Variants in COG6 observed in about 807,000 individuals in gnomAD.
COG6 encodes conserved oligomeric Golgi complex subunit 6.
Under a neutral mutation model 88.8 loss-of-function variants are expected in COG6, and 74 were observed. The ratio of observed to expected loss-of-function variants is 0.83; its 90% CI spans 0.69 to 1.01. The LOEUF (loss-of-function observed/expected upper bound fraction) is 1.01, where lower values mean the gene tolerates loss of function less well. Ranked by LOEUF, COG6 falls within the 50% of genes least tolerant of loss-of-function variation. The pLI is 0.00. For missense variants in COG6, 800 were observed against 797.9 expected (o/e 1.00, Z -0.03); for synonymous variants, 286 against 278.7 (o/e 1.03, Z -0.26).
chr13:39,661,083 A>G (rs1237561816), intron 3 of COG6, among the ~76,000 whole-genome samples: 1 of 152,152 alleles, frequency 6.6e-6, no homozygotes. Flanking sequence ...ACTTTAGAGC[A>G]TTTATATTTT....
At chr13:39,720,330 G>C (rs1195919014) in intron 15 of COG6, among the ~76,000 whole-genome samples, 2 of 151,920 alleles carry the variant, frequency 1.3e-5, no homozygotes, top group African/African-American at 4.8e-5. Context: ...AAAGCAAATG[G>C]TTATCACTTA....
intron 5 of COG6, among the ~76,000 whole-genome samples, 169 bp downstream of exon 5, chr13:39,677,748 A>G (rs570322833): frequency 3.7e-4 from 57 of 152,328 alleles, no homozygotes; most frequent in African/African-American, 1.3e-3. Flanking sequence ...AAAGTAATAC[A>G]TGTACTTTTT....
intron 7 of COG6, among the ~76,000 whole-genome samples, chr13:39,681,921 A>G (rs1414808947): frequency 6.6e-6 from 1 of 152,152 alleles, no homozygotes; most frequent in East Asian, 1.9e-4. Flanking sequence ...GTGTTTTATA[A>G]TAATAAAATA....
At chr13:39,781,286 C>G (rs1881623212) in intron 18 of COG6, among the ~76,000 whole-genome samples, 1 of 152,076 alleles carries the variant, frequency 6.6e-6, no homozygotes, top group Non-Finnish European at 1.5e-5. Context: ...TGGCAAACAT[C>G]AAATTAGGTC....
At chr13:39,788,593 G>A (rs1881846705) in exon 19 of COG6, 2 of 532,486 alleles carry the variant, frequency 3.8e-6, no homozygotes, top group South Asian at 2.9e-5. Context: ...CACACACACA[G>A]CATGTAGAGT....
Position 39,677,510 on chromosome 13 carries a change from A to G in COG6, c.471A>G (p.Leu157=). ...EIRAQVADAF[L]SKFQLTSDEM... is the part of the protein sequence containing the mutation. ...GAGCTCAAGTTGCAGATGCCTTCTT[A>G]TCCAAGTTCCAACTGACTTCTGATG... The change falls in exon 5 of 19, where the codon TTA becomes TTG. Residue 157 remains leucine (L), a synonymous_variant. Coordinates refer to ENST00000455146, the MANE Select transcript of COG6 (RefSeq NM_020751.3). 1 of 1,613,608 alleles carries G rather than the reference A, an allele frequency of 6.2e-7. No individual in the cohort carries two copies.
rs1878958574 is a variant in COG6, at chr13:39,723,405, A to T, written c.1657A>T (p.Ile553Phe). 1 of 1,609,250 alleles carries T rather than the reference A, an allele frequency of 6.2e-7. No homozygotes were observed. Among genetic ancestry groups the T allele is most frequent in the Non-Finnish European group, 8.5e-7 (1 of 1,175,960 alleles). The change falls in exon 16 of 19, where the codon ATC becomes TTC. Residue 553 changes from isoleucine (I) to phenylalanine (F), a missense_variant. Coordinates refer to ENST00000455146, the MANE Select transcript of COG6 (RefSeq NM_020751.3). ...TTTAACTAGGGTAGGCTTGAGTTAC[A>T]TCTATAACACTGTACAGCAACATAA... ...YVLTRVGLSY[I>F]YNTVQQHKPE...
At chr13:39,674,368 C>T (rs952894843) in intron 4 of COG6, among the ~76,000 whole-genome samples, 5 of 151,592 alleles carry the variant, frequency 3.3e-5, no homozygotes, top group African/African-American at 7.3e-5. Context: ...AAAATTATTT[C>T]GAAATTATTT....
chr13:39,695,887 G>A (rs1344063759), intron 12 of COG6, among the ~76,000 whole-genome samples: 1 of 151,878 alleles, frequency 6.6e-6, no homozygotes, highest in Non-Finnish European at 1.5e-5. Context: ...TAAATACTTA[G>A]AAAACACAAG....
intron 2 of COG6, 36 bp from the exon 3 acceptor site, chr13:39,660,774 A>T (rs1239661317): frequency 7.1e-6 from 9 of 1,269,164 alleles, no homozygotes; most frequent in Admixed American, 1.7e-5. Context: ...TTCTTGCTGT[A>T]TATATGATGT....
rs1399843652 is a variant in COG6 at position 39,741,702 on chromosome 13, T to G, written c.1827-9244T>G. ...TCTTCAGGATGTTATCCAGGAGAAC[T>G]TCCCCAACCTAGCAAGGCAGGCCAA... On this transcript the variant is annotated intron_variant, in intron 18 of 18. Coordinates refer to ENST00000455146, the MANE Select transcript of COG6 (RefSeq NM_020751.3). 3.3e-5 allele frequency among the ~76,000 whole-genome samples: 5 copies of G among 152,096 alleles called. No individual in the cohort carries two copies. In the South Asian group the frequency reaches 1.0e-3, roughly 32 times the overall value.
intron 13 of COG6, among the ~76,000 whole-genome samples, chr13:39,702,637 A>G (rs1877646314): frequency 6.6e-6 from 1 of 152,078 alleles, no homozygotes; most frequent in Non-Finnish European, 1.5e-5. Context: ...TGGTTCTTCT[A>G]TTTAAGTGAA....
At chr13:39,724,262 C>T (rs776719483) in intron 16 of COG6, among the ~76,000 whole-genome samples, 7 of 151,836 alleles carry the variant, frequency 4.6e-5, no homozygotes, top group South Asian at 2.1e-4. Context: ...CTTGGGTATG[C>T]GTAAACTTGA....
intron 18 of COG6, among the ~76,000 whole-genome samples, chr13:39,785,771 C>A (rs1346808265): frequency 6.6e-6 from 1 of 152,150 alleles, no homozygotes; most frequent in African/African-American, 2.4e-5. Flanking sequence ...TCTTGCTTTT[C>A]TAGTTTATCT....
In COG6 at chr13:39,746,002, G is replaced by A. The variant is rs578226079; in HGVS notation, c.1827-4944G>A. ...CCAAGGACAGAAAACCAAACACCAC[G>A]TGTTCTCACTCATAGGTGGGAACTG... On this transcript the variant is annotated intron_variant, in intron 18 of 18. Transcript: ENST00000455146. 1.1e-4 allele frequency among the ~76,000 whole-genome samples: 17 copies of A among 151,938 alleles called. 1 individual carries two copies. Among genetic ancestry groups the A allele is most frequent in the Middle Eastern group, 3.4e-3 (1 of 294 alleles).
At chr13:39,713,486 A>G (rs1404438040) in intron 13 of COG6, among the ~76,000 whole-genome samples, 2 of 152,222 alleles carry the variant, frequency 1.3e-5, no homozygotes, top group African/African-American at 4.8e-5. Flanking sequence ...CTGTAATCCC[A>G]GGACTTTGGG....
chr13:39,785,166 A>T (rs558601294), intron 18 of COG6, among the ~76,000 whole-genome samples: 1 of 152,250 alleles, frequency 6.6e-6, no homozygotes, highest in African/African-American at 2.4e-5. Context: ...AATGAAGGTC[A>T]TCAAAAGAGG....
At chr13:39,728,970 T>C (rs573274405) in intron 18 of COG6, among the ~76,000 whole-genome samples, 46 of 152,296 alleles carry the variant, frequency 3.0e-4, no homozygotes, top group African/African-American at 1.1e-3. Context: ...GCCAATGTGC[T>C]TCTTAAATTA....
At chr13:39,684,720 T>G (rs1876538912) in intron 8 of COG6, among the ~76,000 whole-genome samples, 1 of 152,234 alleles carries the variant, frequency 6.6e-6, no homozygotes, top group Non-Finnish European at 1.5e-5. Flanking sequence ...TAATGTATCA[T>G]GTTAACCACC....
Sources: gnomAD v4.1 joint callset for allele counts (sites outside exome capture counted in the v4.1 genomes callset) on GRCh38, gnomAD v4.1.1 for gene constraint, MANE v1.5 for transcripts, NCBI Gene and HGNC (gene_info 2026-07-23, HGNC 2026-07-21) for gene names.